The following SUMF1 variants were observed in gnomAD, a reference collection of about 807,000 sequenced individuals.
SUMF1 encodes sulfatase modifying factor 1.
Under a neutral mutation model 47.6 loss-of-function variants are expected in SUMF1, and 48 were observed. The ratio of observed to expected loss-of-function variants is 1.01; its 90% CI spans 0.80 to 1.28. The LOEUF is 1.28. Ranked by LOEUF, SUMF1 falls within the 50% of genes most tolerant of loss-of-function variation. The probability of loss-of-function intolerance (pLI) is 0.00; values close to 1 mark genes in which losing one functional copy is unlikely to be tolerated. For missense variants in SUMF1, 571 were observed against 485.4 expected (o/e 1.18, Z -1.66); for synonymous variants, 230 against 192.1 (o/e 1.20, Z -1.63).
intron 8 of SUMF1, among the ~76,000 whole-genome samples, chr3:4,209,907 T>G (rs1324473841): frequency 6.6e-6 from 1 of 152,094 alleles, no homozygotes; most frequent in African/African-American, 2.4e-5. Context: ...AAAAAAAATT[T>G]TTTTTGAGGC....
At chr3:4,367,008 A>G (rs1699986364) in intron 8 of SUMF1, among the ~76,000 whole-genome samples, 1 of 152,164 alleles carries the variant, frequency 6.6e-6, no homozygotes, top group South Asian at 2.1e-4. Context: ...CCTGGGTGTC[A>G]GCGGCGGTGG....
intron 8 of SUMF1, among the ~76,000 whole-genome samples, chr3:4,348,102 C>T (rs1193749830): frequency 6.6e-6 from 1 of 152,124 alleles, no homozygotes; most frequent in African/African-American, 2.4e-5. Flanking sequence ...GCCATAGTGC[C>T]CAAAGTAATT....
chr3:4,268,448 T>C (rs962254807), intron 8 of SUMF1, among the ~76,000 whole-genome samples: 1 of 148,964 alleles, frequency 6.7e-6, no homozygotes, highest in African/African-American at 2.5e-5. Context: ...AAAGAAAAAA[T>C]AATAATAAAA....
At chr3:4,067,561 G>A (rs1476399736) in intron 9 of SUMF1, among the ~76,000 whole-genome samples, 1 of 152,186 alleles carries the variant, frequency 6.6e-6, no homozygotes, top group Non-Finnish European at 1.5e-5. Context: ...GGACAGATAA[G>A]GCATTCTGTA....
chr3:4,306,907 G>A (rs1698211794), intron 8 of SUMF1, among the ~76,000 whole-genome samples: 1 of 152,188 alleles, frequency 6.6e-6, no homozygotes, highest in Non-Finnish European at 1.5e-5. Flanking sequence ...AAGCCAAGTA[G>A]AAAATAAACT....
In SUMF1 at chr3:4,056,449, G is replaced by C. The variant is rs565083139; in HGVS notation, c.1191+12120C>G. ...AGTGCTTTGGGAGGTCTACACAGGA[G>C]GATCACTTGAGCCCAGGAGTTCAAG... On this transcript the variant is annotated intron_variant and NMD_transcript_variant, in intron 9 of 12. Transcript: ENST00000448413. 1.0e-3 allele frequency among the ~76,000 whole-genome samples: 159 copies of C among 152,210 alleles called. 1 individual carries two copies. The highest frequency in any genetic ancestry group is 3.5e-3 in the South Asian group (17 of 4,826).
chr3:4,119,537 A>G (rs918576162), intron 8 of SUMF1, among the ~76,000 whole-genome samples: 7 of 152,084 alleles, frequency 4.6e-5, no homozygotes, highest in Admixed American at 2.0e-4. Context: ...GATTTCTTCA[A>G]CTGGAAAACT....
chr3:4,116,242 G>A (rs930641127), intron 8 of SUMF1, among the ~76,000 whole-genome samples: 2 of 152,036 alleles, frequency 1.3e-5, no homozygotes, highest in African/African-American at 4.8e-5. Flanking sequence ...TTGCTAATTT[G>A]TTTTCTACCA....
At chr3:4,147,525 C>G (rs1424872810) in intron 8 of SUMF1, among the ~76,000 whole-genome samples, 1 of 152,140 alleles carries the variant, frequency 6.6e-6, no homozygotes, top group Non-Finnish European at 1.5e-5. Flanking sequence ...CTAGCAGATG[C>G]TTGGTACCAG....
At chr3:4,248,217 A>C (rs756492442) in intron 8 of SUMF1, among the ~76,000 whole-genome samples, 2 of 152,198 alleles carry the variant, frequency 1.3e-5, no homozygotes, top group Non-Finnish European at 2.9e-5. Context: ...GCCTGAAAAC[A>C]AAGGAGTCAT....
chr3:4,166,014 T>G (rs1487102440), intron 8 of SUMF1, among the ~76,000 whole-genome samples: 1 of 152,032 alleles, frequency 6.6e-6, no homozygotes, highest in Admixed American at 6.5e-5. Context: ...AGCTCACCAA[T>G]GCAGCAGCAG....
At chr3:4,192,242 A>C (rs1000982557) in intron 8 of SUMF1, among the ~76,000 whole-genome samples, 1 of 152,104 alleles carries the variant, frequency 6.6e-6, no homozygotes, top group Non-Finnish European at 1.5e-5. Flanking sequence ...TATGAAGATG[A>C]TAAGAGCATT....
In SUMF1 at chr3:4,347,280, C is replaced by A. The variant is rs536361255; in HGVS notation, c.1014+29050G>T. Reference sequence around the variant, plus strand: ...CCTCATGAACATCAATGCAAAAATCCTCAATAAAAGAGTGGCAAACCGAAT... The same window carrying A: ...CCTCATGAACATCAATGCAAAAATCATCAATAAAAGAGTGGCAAACCGAAT... On this transcript the variant is annotated intron_variant and NMD_transcript_variant, in intron 8 of 12. Coordinates refer to the SUMF1 transcript ENST00000448413. Among the ~76,000 whole-genome samples the A allele has an allele frequency of 2.6e-5, 4 of 152,238 alleles. No homozygotes were observed. The South Asian group carries it at 8.3e-4, about 32-fold the overall frequency.
At chr3:4,223,614 G>C (rs1696113687) in intron 8 of SUMF1, among the ~76,000 whole-genome samples, 1 of 152,014 alleles carries the variant, frequency 6.6e-6, no homozygotes, top group African/African-American at 2.4e-5. Context: ...CCCTAGAATG[G>C]CCTCCTCTCT....
chr3:4,170,650 C>G (rs960375510), intron 8 of SUMF1, among the ~76,000 whole-genome samples: 1 of 152,054 alleles, frequency 6.6e-6, no homozygotes. Flanking sequence ...ATCGATGAAA[C>G]AGAGTAGAGA....
At chr3:4,165,001 G>T (rs1445594819) in intron 8 of SUMF1, among the ~76,000 whole-genome samples, 1 of 152,078 alleles carries the variant, frequency 6.6e-6, no homozygotes, top group Non-Finnish European at 1.5e-5. Context: ...TAGAACACAG[G>T]TCAGCAGATG....
At chr3:4,259,270 A>T (rs1249248255) in intron 8 of SUMF1, among the ~76,000 whole-genome samples, 3 of 152,118 alleles carry the variant, frequency 2.0e-5, no homozygotes, top group Non-Finnish European at 4.4e-5. Context: ...TAATAAAAAT[A>T]AATAAATAAA....
downstream of SUMF1, among the ~76,000 whole-genome samples, chr3:4,360,194 C>A (rs1270768): frequency 1 from 145,746 of 145,762 alleles, 72,865 homozygotes; most frequent in Middle Eastern, 1. Flanking sequence ...TATTTGCTAC[C>A]AATGTTTGTT....
At chr3:4,424,216 T>C (rs1242909490) in intron 3 of SUMF1, among the ~76,000 whole-genome samples, 1 of 152,136 alleles carries the variant, frequency 6.6e-6, no homozygotes, top group Non-Finnish European at 1.5e-5. Flanking sequence ...AGTTTTTTTA[T>C]CTCCTTCCAC....
Sources: allele counts gnomAD v4.1 joint callset (sites outside exome capture counted in the v4.1 genomes callset), GRCh38; gene constraint gnomAD v4.1.1; transcripts MANE v1.5; gene names NCBI Gene and HGNC (gene_info 2026-07-23, HGNC 2026-07-21).